GUCY1A2: variants seen among roughly 807,000 people sequenced by gnomAD.
The protein encoded by GUCY1A2 is guanylate cyclase 1 soluble subunit alpha 2, also known as guanylate cyclase soluble subunit alpha-2.
In GUCY1A2, 27 loss-of-function variants were observed where a neutral mutation model predicts 63.5. The ratio of observed to expected loss-of-function variants is 0.43; its 90% CI spans 0.31 to 0.59. The LOEUF (loss-of-function observed/expected upper bound fraction) is 0.59. Ranked by LOEUF, GUCY1A2 falls within the 20% of genes least tolerant of loss-of-function variation. The probability of loss-of-function intolerance (pLI) is 0.11; values close to 1 mark genes in which losing one functional copy is unlikely to be tolerated. For synonymous variants in GUCY1A2, 364 were observed against 343.5 expected (o/e 1.06, Z -0.66); for missense variants, 768 against 913.3 (o/e 0.84, Z 2.05).
intron 4 of GUCY1A2, among the ~76,000 whole-genome samples, chr11:106,884,108 C>T (rs867769493): frequency 4.6e-5 from 7 of 152,098 alleles, no homozygotes; most frequent in African/African-American, 1.7e-4. Flanking sequence ...GTGCAGCACA[C>T]CAACATGGCA....
At chr11:106,957,027 T>A (rs1304069846) in intron 3 of GUCY1A2, among the ~76,000 whole-genome samples, 4 of 152,220 alleles carry the variant, frequency 2.6e-5, no homozygotes, top group Non-Finnish European at 2.9e-5. Context: ...TGAGGAATGA[T>A]GGGTTGGGAT....
At chr11:107,016,672 A>G (rs1053308149) in intron 1 of GUCY1A2, among the ~76,000 whole-genome samples, 13 of 152,250 alleles carry the variant, frequency 8.5e-5, no homozygotes, top group African/African-American at 3.1e-4. Flanking sequence ...TAGAGAATCA[A>G]TTGAAGAGAG....
At chr11:106,895,177 C>A (rs1265271026) in intron 4 of GUCY1A2, among the ~76,000 whole-genome samples, 2 of 152,162 alleles carry the variant, frequency 1.3e-5, no homozygotes, top group African/African-American at 4.8e-5. Context: ...ACACAATCTG[C>A]TGAATCTCAC....
chr11:107,013,051 C>T lies in GUCY1A2; in HGVS notation c.303+4702G>A, dbSNP rs1022677276. On this transcript the variant is annotated intron_variant, in intron 1 of 7. Transcript: ENST00000526355. ...TCCTTGACATGTATTAAGATAATTT[C>T]CTTCCCCAAAATAATAATTTATGCT... 3.3e-5 allele frequency among the ~76,000 whole-genome samples: 5 copies of T among 151,976 alleles called. No homozygotes were observed. The East Asian group carries it at 9.7e-4, about 29-fold the overall frequency.
At chr11:107,014,535 C>G (rs1861793498) in intron 1 of GUCY1A2, among the ~76,000 whole-genome samples, 1 of 151,918 alleles carries the variant, frequency 6.6e-6, no homozygotes, top group Non-Finnish European at 1.5e-5. Flanking sequence ...AATTTTTTTT[C>G]AATTTCACCA....
chr11:106,784,768 A>T (rs1864527743), intron 5 of GUCY1A2, among the ~76,000 whole-genome samples: 2 of 152,216 alleles, frequency 1.3e-5, no homozygotes, highest in Non-Finnish European at 2.9e-5. Flanking sequence ...AAAGATTAAT[A>T]TTCTAGCAAT....
intron 5 of GUCY1A2, among the ~76,000 whole-genome samples, chr11:106,795,203 T>C (rs1864732500): frequency 6.6e-6 from 1 of 152,156 alleles, no homozygotes; most frequent in African/African-American, 2.4e-5. Context: ...TCAGACTTTA[T>C]CTTCAATACC....
chr11:106,675,450 T>A lies in GUCY1A2; in HGVS notation c.*12099A>T, dbSNP rs1011328759. The A allele has an allele frequency of 5.0e-6, 1 of 201,462 alleles. No homozygotes were observed. Among genetic ancestry groups the A allele is most frequent in the Non-Finnish European group, 1.0e-5 (1 of 98,016 alleles). The allele number at this position is 201,462 out of a possible 1,614,324, so 12.5% of individuals were successfully genotyped here. On this transcript the variant is annotated 3_prime_UTR_variant, in exon 8 of 8. Transcript: ENST00000526355. ...TAGTCGGAATAATTTTTGCTCCAAA[T>A]TCTTAAAGGAGACAATGAATTAGTA...
At chr11:106,836,969 A>G (rs1452278409) in intron 4 of GUCY1A2, among the ~76,000 whole-genome samples, 1 of 151,966 alleles carries the variant, frequency 6.6e-6, no homozygotes, top group African/African-American at 2.4e-5. Flanking sequence ...GTAGTAAATG[A>G]TGAAACAGAC....
At chr11:106,788,813 T>C (rs1488981008) in intron 5 of GUCY1A2, among the ~76,000 whole-genome samples, 1 of 152,222 alleles carries the variant, frequency 6.6e-6, no homozygotes, top group Non-Finnish European at 1.5e-5. Context: ...AGCTCTGTAG[T>C]ATAATTTGAA....
At chr11:106,955,048 G>A (rs374817934) in intron 3 of GUCY1A2, among the ~76,000 whole-genome samples, 2 of 151,458 alleles carry the variant, frequency 1.3e-5, no homozygotes, top group African/African-American at 4.9e-5. Flanking sequence ...GCATGATCTC[G>A]GCTCACCGCA....
At chr11:106,935,072 C>A (rs1860657597) in intron 4 of GUCY1A2, among the ~76,000 whole-genome samples, 1 of 152,086 alleles carries the variant, frequency 6.6e-6, no homozygotes, top group South Asian at 2.1e-4. Flanking sequence ...AAATAAAATG[C>A]AGATCCAAAC....
At chr11:106,825,143 T>C (rs1858950981) in intron 4 of GUCY1A2, among the ~76,000 whole-genome samples, 1 of 152,218 alleles carries the variant, frequency 6.6e-6, no homozygotes, top group Admixed American at 6.5e-5. Flanking sequence ...ATCACGATTA[T>C]ATAATTTTCC....
rs772628585 is a variant in GUCY1A2, at chr11:106,980,746, GTT to G, written c.366-2008_366-2007del. On this transcript the variant is annotated intron_variant, in intron 2 of 7. Coordinates refer to ENST00000526355, the MANE Select transcript of GUCY1A2 (RefSeq NM_000855.3). ...TGTGAGTGGAGGGAAAAATAAAAAG[GTT>G]TCATGTTTGTACACCTCATTGAGAT... 1.3e-3 allele frequency among the ~76,000 whole-genome samples: 203 copies of G among 152,134 alleles called. 1 individual carries two copies. Among genetic ancestry groups the G allele is most frequent in the Non-Finnish European group, 1.6e-3 (109 of 68,014 alleles).
chr11:106,779,493 C>T (rs1864420956), intron 5 of GUCY1A2, among the ~76,000 whole-genome samples: 2 of 152,168 alleles, frequency 1.3e-5, no homozygotes, highest in African/African-American at 4.8e-5. Flanking sequence ...TACTTCAAAA[C>T]TTATTTCTGG....
intron 6 of GUCY1A2, among the ~76,000 whole-genome samples, chr11:106,756,377 T>G (rs1371983254): frequency 6.6e-6 from 1 of 152,228 alleles, no homozygotes; most frequent in African/African-American, 2.4e-5. Flanking sequence ...TGTGTGAATT[T>G]GATTTTGTCC....
intron 4 of GUCY1A2, among the ~76,000 whole-genome samples, chr11:106,843,173 C>T (rs778794548): frequency 6.6e-6 from 1 of 151,652 alleles, no homozygotes; most frequent in Non-Finnish European, 1.5e-5. Flanking sequence ...ATAAGGAAAA[C>T]ATGTAGAATG....
chr11:106,962,844 G>C (rs146308670), intron 3 of GUCY1A2, among the ~76,000 whole-genome samples: 1 of 150,688 alleles, frequency 6.6e-6, no homozygotes, highest in African/African-American at 2.4e-5. Context: ...TTTTGAAACT[G>C]ATCTTTTGTC....
chr11:106,724,925 A>G (rs569972378), intron 6 of GUCY1A2, among the ~76,000 whole-genome samples: 17 of 152,310 alleles, frequency 1.1e-4, no homozygotes, highest in Non-Finnish European at 1.8e-4. Flanking sequence ...TCAGATAAGC[A>G]TATCTCCAAG....
Sources: allele counts gnomAD v4.1 joint callset (sites outside exome capture counted in the v4.1 genomes callset), GRCh38; gene constraint gnomAD v4.1.1; transcripts MANE v1.5; gene names NCBI Gene and HGNC (gene_info 2026-07-23, HGNC 2026-07-21).